SPAG1: variants seen among roughly 807,000 people sequenced by gnomAD.
SPAG1 encodes the protein sperm associated antigen 1.
A neutral mutation model predicts 100.5 loss-of-function variants in SPAG1; 69 were observed. That is an observed-to-expected ratio of 0.69 (90% CI 0.57 to 0.84). SPAG1 has a LOEUF of 0.84. Ranked by LOEUF, SPAG1 falls within the 40% of genes least tolerant of loss-of-function variation. SPAG1 has a pLI of 0.00. For missense variants in SPAG1, 955 were observed against 1,133.1 expected, an observed-to-expected ratio of 0.84 and a Z score of 2.26; for synonymous variants, 336 against 411.6, an observed-to-expected ratio of 0.82 and a Z score of 2.22.
At chr8:100,215,338 C>G (rs1042134180) in intron 12 of SPAG1, among the ~76,000 whole-genome samples, 6 of 151,916 alleles carry the variant, frequency 3.9e-5, no homozygotes, top group African/African-American at 9.7e-5. Flanking sequence ...ATAAGAAGCC[C>G]TTTGGCAAGA....
chr8:100,202,317 T>G lies in SPAG1; in HGVS notation c.1096+8049T>G, dbSNP rs532015601. Among the ~76,000 whole-genome samples the G allele has an allele frequency of 1.3e-4, 20 of 150,930 alleles. No homozygotes were observed. The South Asian group carries it at 2.3e-3, about 17-fold the overall frequency. The stretch of plus-strand genomic sequence containing the variant: ...TTTATTTGTTTTTAGTATGTGGAAA[T>G]CCAGTTGTCACATCACCATTTGTTT... On this transcript the variant is annotated intron_variant, in intron 10 of 18. Transcript: ENST00000388798.
intron 3 of SPAG1, among the ~76,000 whole-genome samples, chr8:100,173,029 A>ATTTTTTTTTTTTTTTTTTTTT (rs1563773136): frequency 2.1e-5 from 2 of 94,230 alleles, no homozygotes; most frequent in African/African-American, 7.8e-5. Context: ...CTTCTTGACC[A>ATTTTTTTTTTTTTTTTTTTTT]CTTCTTTTTT....
At chr8:100,196,079 G>C (rs1817017755) in intron 10 of SPAG1, among the ~76,000 whole-genome samples, 1 of 152,192 alleles carries the variant, frequency 6.6e-6, no homozygotes, top group Non-Finnish European at 1.5e-5. Flanking sequence ...CTGCTGAGTA[G>C]CATTCCATTA....
rs1345605744 is a variant in SPAG1, at chr8:100,236,628, T to C, written c.2116-2612T>C. Among the ~76,000 whole-genome samples, 4 of 152,354 alleles carry C rather than the reference T, an allele frequency of 2.6e-5. No individual in the cohort carries two copies. In the East Asian group the frequency reaches 7.7e-4, roughly 29 times the overall value. Reference sequence around the variant, plus strand: ...AGATCTTCTGTTTGTTTTCTGACTTTGTTATTTTTAATGGTGCCAGCTTTG... The same window carrying C: ...AGATCTTCTGTTTGTTTTCTGACTTCGTTATTTTTAATGGTGCCAGCTTTG... On this transcript the variant is annotated intron_variant, in intron 16 of 18. Transcript: ENST00000388798.
intron 14 of SPAG1, among the ~76,000 whole-genome samples, chr8:100,230,372 A>G (rs539423316): frequency 6.6e-6 from 1 of 152,334 alleles, no homozygotes; most frequent in South Asian, 2.1e-4. Context: ...GTGCTCGTGT[A>G]CCACTGTAAA....
chr8:100,181,834 A>C (rs1042863987), intron 4 of SPAG1, among the ~76,000 whole-genome samples: 1 of 152,224 alleles, frequency 6.6e-6, no homozygotes, highest in Non-Finnish European at 1.5e-5. Context: ...TCTCATTCAC[A>C]GGTACCGGGG....
rs1409299476 is a variant in SPAG1 at position 100,220,303 on chromosome 8, T to C, written c.1560T>C (p.Ser520=). The change falls in exon 13 of 19, where the codon TCT becomes TCC. Residue 520 remains serine (S), a synonymous_variant. Coordinates refer to ENST00000388798, the MANE Select transcript of SPAG1 (RefSeq NM_003114.5). ...CNRALELHPF[S]MKPLLRRAMA... is the part of the protein sequence containing the mutation. ...GGGCTCTGGAACTTCATCCATTCTC[T>C]ATGAAACCTCTTCTGAGGCGGGCGA... The C allele has an allele frequency of 1.2e-6, 2 of 1,612,816 alleles. No individual in the cohort carries two copies. The highest frequency in any genetic ancestry group is 2.2e-5 in the South Asian group (2 of 90,718).
chr8:100,190,607 G>A (rs569000108), intron 8 of SPAG1, among the ~76,000 whole-genome samples: 4 of 150,282 alleles, frequency 2.7e-5, no homozygotes, highest in Admixed American at 2.0e-4. Context: ...CTATACAGAT[G>A]TCACTAATGA....
chr8:100,168,553 C>G (rs1586392498), intron 3 of SPAG1, among the ~76,000 whole-genome samples: 1 of 150,162 alleles, frequency 6.7e-6, no homozygotes, highest in East Asian at 1.9e-4. Flanking sequence ...ACCACCACAC[C>G]TGGCTATTTT....
chr8:100,173,464 T>C lies in SPAG1; in HGVS notation c.301-4352T>C, dbSNP rs56961389. On this transcript the variant is annotated intron_variant, in intron 3 of 18. Coordinates refer to ENST00000388798, the MANE Select transcript of SPAG1 (RefSeq NM_003114.5). ...CCCTTTCCACCCTCCCTGCCTTCTATACAGATAGAACAGATAATATAGTTG... is the reference window on the plus strand; with the variant it reads ...CCCTTTCCACCCTCCCTGCCTTCTACACAGATAGAACAGATAATATAGTTG... Among the ~76,000 whole-genome samples the C allele has an allele frequency of 4.1e-3, 627 of 152,258 alleles. 5 individuals carry two copies. The highest frequency in any genetic ancestry group is 0.014 in the African/African-American group (583 of 41,550).
At chr8:100,232,630 C>A (rs1818828869) in intron 15 of SPAG1, among the ~76,000 whole-genome samples, 2 of 152,138 alleles carry the variant, frequency 1.3e-5, no homozygotes, top group South Asian at 4.1e-4. Flanking sequence ...GGGCCACTGT[C>A]CTCTCCTCCT....
rs563108290 is a variant in SPAG1 at position 100,201,560 on chromosome 8, T to C, written c.1096+7292T>C. Among the ~76,000 whole-genome samples the C allele has an allele frequency of 5.3e-5, 8 of 152,340 alleles. No individual in the cohort carries two copies. The South Asian group carries it at 6.2e-4, about 12-fold the overall frequency. ...TTACATATGTGTGTGTGTATATCCA[T>C]ATATATATGTTTTTTGGTCATAGTT... On this transcript the variant is annotated intron_variant, in intron 10 of 18. Transcript: ENST00000388798.
intron 13 of SPAG1, among the ~76,000 whole-genome samples, chr8:100,223,670 T>C (rs1818380405): frequency 1.3e-5 from 2 of 151,900 alleles, no homozygotes; most frequent in Admixed American, 6.6e-5. Flanking sequence ...AGGAATCTTA[T>C]ATGTTAAATT....
intron 3 of SPAG1, among the ~76,000 whole-genome samples, chr8:100,167,686 CTTTA>C (rs1186092152): frequency 8.5e-5 from 13 of 152,152 alleles, no homozygotes; most frequent in African/African-American, 2.9e-4. Context: ...TTTTAATCAG[CTTTA>C]TTGAGATAAA....
chr8:100,162,198 G>C, intron 1 of SPAG1, 81 bp from the exon 2 acceptor site: 6 of 1,150,462 alleles, frequency 5.2e-6, no homozygotes, highest in Non-Finnish European at 7.3e-6. Context: ...AAAATACAAA[G>C]AAGTACCTAC....
intron 14 of SPAG1, among the ~76,000 whole-genome samples, chr8:100,226,286 C>G (rs572370788): frequency 2.5e-4 from 38 of 152,246 alleles, no homozygotes; most frequent in Non-Finnish European, 4.0e-4. Flanking sequence ...CATGAGCCAC[C>G]ATGCGTGGTT....
intron 10 of SPAG1, among the ~76,000 whole-genome samples, chr8:100,198,933 G>A (rs1450351538): frequency 6.6e-6 from 1 of 152,184 alleles, no homozygotes. Flanking sequence ...GTTCATCTAT[G>A]TTGCATCTTG....
At chr8:100,195,161 T>TC (rs1158991982) in intron 10 of SPAG1, among the ~76,000 whole-genome samples, 16 of 109,112 alleles carry the variant, frequency 1.5e-4, no homozygotes, top group African/African-American at 6.6e-4. Context: ...CGAGACTCCA[T>TC]CTCAAAAAAA....
Position 100,184,644 on chromosome 8 carries a change from A to G in SPAG1, c.612A>G (p.Glu204=). ...RIDTAGLTEK[E]KDFLATREKE... ...TATTTCTAGGTCTAACTGAGAAAGA[A>G]AAGGATTTTCTTGCCACTCGTGAAA... The change falls in exon 7 of 19, where the codon GAA becomes GAG. Residue 204 remains glutamate (E), a synonymous_variant. Coordinates refer to ENST00000388798, the MANE Select transcript of SPAG1 (RefSeq NM_003114.5). 1 of 1,574,092 alleles carries G rather than the reference A, an allele frequency of 6.4e-7. No individual in the cohort carries two copies. Among genetic ancestry groups the G allele is most frequent in the Non-Finnish European group, 8.6e-7 (1 of 1,165,648 alleles).
Sources: gnomAD v4.1 joint callset for allele counts (sites outside exome capture counted in the v4.1 genomes callset) on GRCh38, gnomAD v4.1.1 for gene constraint, MANE v1.5 for transcripts, NCBI Gene and HGNC (gene_info 2026-07-23, HGNC 2026-07-21) for gene names.